COL24A1: variants seen among roughly 807,000 people sequenced by gnomAD.
The protein encoded by COL24A1 is collagen type XXIV alpha 1 chain, also known as collagen alpha-1(XXIV) chain.
In COL24A1, 224 loss-of-function variants were observed where a neutral mutation model predicts 253.9. That is an observed-to-expected ratio of 0.88 (90% confidence interval 0.79 to 0.99). COL24A1 has a LOEUF of 0.99. Among genes scored for constraint, COL24A1 ranks in the 50% least tolerant of loss-of-function variants. The probability of loss-of-function intolerance (pLI) is 0.00; values close to 1 mark genes in which losing one functional copy is unlikely to be tolerated. For synonymous variants in COL24A1, 685 were observed against 673.7 expected (o/e 1.02, Z -0.26); for missense variants, 2,131 against 2,068.5 (o/e 1.03, Z -0.59).
At chr1:86,137,123 G>A (rs1391480918) in intron 2 of COL24A1, among the ~76,000 whole-genome samples, 10 of 151,996 alleles carry the variant, frequency 6.6e-5, no homozygotes, top group Admixed American at 1.3e-4. Context: ...TAGATATTTC[G>A]TACCAATGTT....
intron 26 of COL24A1, 105 bp from the exon 27 acceptor site, chr1:85,908,756 T>G (rs1229421782): frequency 2.1e-6 from 1 of 465,816 alleles, no homozygotes; most frequent in African/African-American, 2.0e-5. Context: ...AAGGGATAAT[T>G]TGACACAATG....
chr1:85,887,806 C>A (rs1331662588), intron 32 of COL24A1, among the ~76,000 whole-genome samples: 1 of 152,108 alleles, frequency 6.6e-6, no homozygotes, highest in Non-Finnish European at 1.5e-5. Flanking sequence ...GCAGTTTCAA[C>A]CTTTTCTGCC....
chr1:86,018,094 C>A (rs549472145), intron 18 of COL24A1, among the ~76,000 whole-genome samples: 3 of 152,218 alleles, frequency 2.0e-5, no homozygotes, highest in African/African-American at 7.2e-5. Flanking sequence ...TCTGATATAT[C>A]CATTTTCATA....
intron 28 of COL24A1, among the ~76,000 whole-genome samples, chr1:85,903,289 T>A (rs1022085316): frequency 6.6e-6 from 1 of 152,188 alleles, no homozygotes; most frequent in African/African-American, 2.4e-5. Flanking sequence ...AGAAGAACTC[T>A]AGGAAAGCTT....
chr1:86,123,043 G>A (rs1260078597), intron 3 of COL24A1, among the ~76,000 whole-genome samples: 5 of 151,922 alleles, frequency 3.3e-5, no homozygotes, highest in Non-Finnish European at 7.4e-5. Context: ...GTCATTGTGG[G>A]AAAGTAAATT....
In COL24A1 at chr1:85,756,571, GT is replaced by G. The variant is rs577706727; in HGVS notation, c.4437+4824del. Among the ~76,000 whole-genome samples, 18 of 152,326 alleles carry G rather than the reference GT, an allele frequency of 1.2e-4. No individual in the cohort carries two copies. The South Asian group carries it at 3.5e-3, about 30-fold the overall frequency. On this transcript the variant is annotated intron_variant, in intron 55 of 59. Coordinates refer to ENST00000370571, the MANE Select transcript of COL24A1 (RefSeq NM_152890.7). Reference sequence around the variant, plus strand: ...AAAAATAAACCAGAAAATAACAAGTGTTGGTGAGGATGTGGAGAAACTGGAA... The same window carrying G: ...AAAAATAAACCAGAAAATAACAAGTGTGGTGAGGATGTGGAGAAACTGGAA...
intron 5 of COL24A1, among the ~76,000 whole-genome samples, chr1:86,098,713 C>T (rs1704205057): frequency 6.6e-6 from 1 of 152,006 alleles, no homozygotes; most frequent in African/African-American, 2.4e-5. Context: ...TTACCAAGCC[C>T]ATAAGTTTAA....
chr1:85,864,660 C>T lies in COL24A1; in HGVS notation c.3300+3859G>A, dbSNP rs547985400. ...ATCTTTATGACTTCACTTTTAAGAT[C>T]TTATTTAAAAAACTTATTGGAGAAG... On this transcript the variant is annotated intron_variant, in intron 37 of 59. Coordinates refer to ENST00000370571, the MANE Select transcript of COL24A1 (RefSeq NM_152890.7). 2.0e-5 allele frequency among the ~76,000 whole-genome samples: 3 copies of T among 152,140 alleles called. No homozygotes were observed. In the East Asian group the frequency reaches 5.8e-4, roughly 29 times the overall value.
chr1:86,020,172 A>ATG (rs1697392520), intron 18 of COL24A1, among the ~76,000 whole-genome samples: 2 of 146,716 alleles, frequency 1.4e-5, no homozygotes, highest in African/African-American at 5.0e-5. Context: ...GATTCAAGCG[A>ATG]TTCTCCTGCC....
At chr1:85,806,087 A>G (rs1219223087) in intron 47 of COL24A1, among the ~76,000 whole-genome samples, 5 of 151,768 alleles carry the variant, frequency 3.3e-5, no homozygotes, top group Non-Finnish European at 7.4e-5. Flanking sequence ...AAAAAAAAAA[A>G]AAAAAAGAAA....
chr1:85,907,608 C>G (rs1334840107), intron 27 of COL24A1, among the ~76,000 whole-genome samples: 2 of 151,816 alleles, frequency 1.3e-5, no homozygotes, highest in Admixed American at 6.6e-5. Flanking sequence ...AAAGCAATGG[C>G]TATCATGGTA....
chr1:86,145,328 T>G (rs1254004881), intron 2 of COL24A1, among the ~76,000 whole-genome samples: 1 of 152,112 alleles, frequency 6.6e-6, no homozygotes, highest in Admixed American at 6.5e-5. Flanking sequence ...GAAGAGCCCT[T>G]TGCTACCTTT....
chr1:85,894,857 G>A (rs567910333), intron 31 of COL24A1, among the ~76,000 whole-genome samples: 1 of 152,140 alleles, frequency 6.6e-6, no homozygotes, highest in Admixed American at 6.5e-5. Flanking sequence ...AGCGGGCAGG[G>A]GGCAGCAGAT....
At chr1:85,846,262 G>A (rs1677131704) in intron 39 of COL24A1, among the ~76,000 whole-genome samples, 1 of 151,674 alleles carries the variant, frequency 6.6e-6, no homozygotes. Flanking sequence ...ACATCTTAAA[G>A]AGTTAAGGTA....
At chr1:85,876,139 C>T (rs150517476) in intron 33 of COL24A1, among the ~76,000 whole-genome samples, 20 of 151,910 alleles carry the variant, frequency 1.3e-4, no homozygotes, top group East Asian at 2.0e-4. Flanking sequence ...AATGATAAAC[C>T]GGCAACAAGT....
At chr1:86,118,086 G>A (rs1276516195) in intron 3 of COL24A1, among the ~76,000 whole-genome samples, 3 of 143,866 alleles carry the variant, frequency 2.1e-5, no homozygotes, top group Non-Finnish European at 3.0e-5. Flanking sequence ...TTTTCGAGAT[G>A]GAGTCTCACT....
At chr1:85,984,980 C>T (rs1343699955) in intron 20 of COL24A1, among the ~76,000 whole-genome samples, 5 of 151,776 alleles carry the variant, frequency 3.3e-5, no homozygotes, top group African/African-American at 9.7e-5. Context: ...AATTAATCAT[C>T]CATTCAACCA....
chr1:85,824,287 T>C (rs937948318), intron 43 of COL24A1, among the ~76,000 whole-genome samples: 1 of 152,254 alleles, frequency 6.6e-6, no homozygotes, highest in South Asian at 2.1e-4. Context: ...CTAGAGCCTC[T>C]AGAGGGAGCG....
chr1:86,105,547 G>C (rs995982196), intron 5 of COL24A1, among the ~76,000 whole-genome samples: 1 of 152,196 alleles, frequency 6.6e-6, no homozygotes, highest in Admixed American at 6.5e-5. Flanking sequence ...CCAGCCCCAG[G>C]TGATAGGGAA....
Sources: allele counts gnomAD v4.1 joint callset (sites outside exome capture counted in the v4.1 genomes callset), GRCh38; gene constraint gnomAD v4.1.1; transcripts MANE v1.5; gene names NCBI Gene and HGNC (gene_info 2026-07-23, HGNC 2026-07-21).